GPC6: variants seen among roughly 807,000 people sequenced by gnomAD.
GPC6 encodes the protein glypican 6, also known as glypican-6.
A neutral mutation model predicts 55.2 loss-of-function variants in GPC6; 14 were observed. That is an observed-to-expected ratio of 0.25 (90% CI 0.17 to 0.40). The LOEUF (loss-of-function observed/expected upper bound fraction) is 0.40, where lower values mean the gene tolerates loss of function less well. Among genes scored for constraint, GPC6 ranks in the 10% least tolerant of loss-of-function variants. The pLI is 1.00. For synonymous variants in GPC6, 278 were observed against 259.6 expected, an observed-to-expected ratio of 1.07 and a Z score of -0.68; for missense variants, 641 against 708.5, an observed-to-expected ratio of 0.90 and a Z score of 1.08.
At chr13:93,383,071 G>A (rs1360700163) in intron 1 of GPC6, among the ~76,000 whole-genome samples, 2 of 152,138 alleles carry the variant, frequency 1.3e-5, no homozygotes, top group Non-Finnish European at 2.9e-5. Context: ...AATGGGAAAG[G>A]CTGCTATGAT....
At chr13:93,753,046 G>A (rs900366086) in intron 2 of GPC6, among the ~76,000 whole-genome samples, 2 of 152,204 alleles carry the variant, frequency 1.3e-5, no homozygotes, top group East Asian at 3.9e-4. Context: ...TACTGAAAGA[G>A]CCTGAGTAGG....
intron 2 of GPC6, among the ~76,000 whole-genome samples, chr13:93,749,121 C>A (rs1232809195): frequency 6.6e-6 from 1 of 151,986 alleles, no homozygotes; most frequent in East Asian, 1.9e-4. Flanking sequence ...TATTATTACA[C>A]ATTGGATCCC....
chr13:93,446,307 T>C (rs952987855), intron 1 of GPC6, among the ~76,000 whole-genome samples: 2 of 152,158 alleles, frequency 1.3e-5, no homozygotes, highest in African/African-American at 4.8e-5. Context: ...GCAGACTTCC[T>C]TTGTCTAGGT....
At chr13:93,901,281 CA>C (rs1421228690) in intron 3 of GPC6, among the ~76,000 whole-genome samples, 1 of 151,842 alleles carries the variant, frequency 6.6e-6, no homozygotes, top group African/African-American at 2.4e-5. Context: ...ATATGGCAAG[CA>C]AAATAAATAA....
intron 4 of GPC6, among the ~76,000 whole-genome samples, chr13:94,194,391 G>A (rs1449202493): frequency 6.6e-6 from 1 of 152,150 alleles, no homozygotes; most frequent in East Asian, 1.9e-4. Context: ...GTATGCATAT[G>A]TGTGTATGTC....
chr13:93,604,502 G>A (rs994042533), intron 2 of GPC6, among the ~76,000 whole-genome samples: 1 of 152,078 alleles, frequency 6.6e-6, no homozygotes, highest in Non-Finnish European at 1.5e-5. Flanking sequence ...CTCCTTTATT[G>A]TCCAAATCAT....
At chr13:94,280,872 T>C (rs930873604) in intron 4 of GPC6, among the ~76,000 whole-genome samples, 2 of 152,202 alleles carry the variant, frequency 1.3e-5, no homozygotes, top group Non-Finnish European at 2.9e-5. Context: ...AAAGAGTTGA[T>C]CATTAAGGAC....
intron 1 of GPC6, among the ~76,000 whole-genome samples, chr13:93,321,855 C>A (rs968368158): frequency 2.0e-5 from 3 of 152,100 alleles, no homozygotes; most frequent in Admixed American, 2.0e-4. Flanking sequence ...TAGTGTGAGA[C>A]CAGCATTAGC....
At chr13:93,808,940 T>C (rs1337751117) in intron 2 of GPC6, among the ~76,000 whole-genome samples, 1 of 152,152 alleles carries the variant, frequency 6.6e-6, no homozygotes, top group East Asian at 1.9e-4. Context: ...TGAGAGATGA[T>C]GGCGGCTCCA....
chr13:94,383,357 A>T (rs1279111775), intron 7 of GPC6, among the ~76,000 whole-genome samples: 1 of 152,140 alleles, frequency 6.6e-6, no homozygotes, highest in African/African-American at 2.4e-5. Context: ...GTGGGTGGAG[A>T]TGCTAAGAGG....
chr13:94,125,699 A>T (rs1426197422), intron 4 of GPC6, among the ~76,000 whole-genome samples: 2 of 148,790 alleles, frequency 1.3e-5, no homozygotes, highest in African/African-American at 4.9e-5. Context: ...GTGTTGTCAA[A>T]TTTTAAAGGC....
At chr13:94,135,514 C>T (rs1887155313) in intron 4 of GPC6, among the ~76,000 whole-genome samples, 1 of 152,100 alleles carries the variant, frequency 6.6e-6, no homozygotes, top group Non-Finnish European at 1.5e-5. Flanking sequence ...TATTGAGAGC[C>T]AAATGGGCAG....
chr13:93,852,918 G>T (rs1383503994), intron 3 of GPC6, among the ~76,000 whole-genome samples: 2 of 151,572 alleles, frequency 1.3e-5, no homozygotes, highest in Non-Finnish European at 3.0e-5. Flanking sequence ...AAAAATTTAT[G>T]TTCCTCATCT....
intron 2 of GPC6, among the ~76,000 whole-genome samples, chr13:93,599,087 G>A (rs933162209): frequency 2.6e-5 from 4 of 152,044 alleles, no homozygotes; most frequent in African/African-American, 9.7e-5. Context: ...AACATATAAG[G>A]TTAAACTGTG....
At chr13:93,818,332 A>G (rs1886934005) in intron 2 of GPC6, 1 of 152,136 alleles carries the variant, frequency 6.6e-6, no homozygotes, top group Non-Finnish European at 1.5e-5. Context: ...CCAGAAAGAT[A>G]TAACCTAAAA....
At chr13:93,847,078 C>G (rs1267959457) in intron 3 of GPC6, among the ~76,000 whole-genome samples, 1 of 152,070 alleles carries the variant, frequency 6.6e-6, no homozygotes, top group East Asian at 1.9e-4. Context: ...GTAATTGGAA[C>G]TCTAACATAA....
intron 3 of GPC6, among the ~76,000 whole-genome samples, chr13:93,834,325 G>A (rs1262430948): frequency 6.6e-6 from 1 of 152,142 alleles, no homozygotes; most frequent in Non-Finnish European, 1.5e-5. Flanking sequence ...AAACCTCATT[G>A]TGAGAGATAA....
At chr13:93,262,774 T>C (rs868204099) in intron 1 of GPC6, among the ~76,000 whole-genome samples, 1 of 152,180 alleles carries the variant, frequency 6.6e-6, no homozygotes, top group East Asian at 1.9e-4. Context: ...ATTTAGCTGC[T>C]ACCAGTGGAC....
chr13:93,936,023 CAAT>C (rs1217826124), intron 3 of GPC6, among the ~76,000 whole-genome samples: 6 of 152,236 alleles, frequency 3.9e-5, no homozygotes, highest in Admixed American at 2.0e-4. Context: ...GATCAGACAA[CAAT>C]GATACACAGA....
Sources: allele counts gnomAD v4.1 joint callset (sites outside exome capture counted in the v4.1 genomes callset), GRCh38; gene constraint gnomAD v4.1.1; transcripts MANE v1.5; gene names NCBI Gene and HGNC (gene_info 2026-07-23, HGNC 2026-07-21).